QSOX1: variants seen among roughly 807,000 people sequenced by gnomAD.
QSOX1 encodes the protein quiescin sulfhydryl oxidase 1, also known as sulfhydryl oxidase 1.
In QSOX1, 40 loss-of-function variants were observed where a neutral mutation model predicts 76.1. That is an observed-to-expected ratio of 0.53 (90% CI 0.41 to 0.68). The LOEUF is 0.68. Among genes scored for constraint, QSOX1 ranks in the 30% least tolerant of loss-of-function variants. The pLI, the probability that QSOX1 is intolerant of heterozygous loss-of-function variation, is 0.00. For missense variants in QSOX1, 931 were observed against 974.3 expected (o/e 0.96, Z 0.59); for synonymous variants, 392 against 413.1 (o/e 0.95, Z 0.62).
chr1:180,187,742 C>CAG (rs1393444157), intron 8 of QSOX1, among the ~76,000 whole-genome samples: 1 of 152,164 alleles, frequency 6.6e-6, no homozygotes, highest in Non-Finnish European at 1.5e-5. Flanking sequence ...CCTGCCCTGC[C>CAG]AGAGCCAGGG....
At chr1:180,195,676 C>A (rs1378507462) in intron 11 of QSOX1, among the ~76,000 whole-genome samples, 1 of 152,138 alleles carries the variant, frequency 6.6e-6, no homozygotes, top group African/African-American at 2.4e-5. Flanking sequence ...GGTCTCCCCC[C>A]AACTATCCCT....
At chr1:180,168,827 G>GA (rs1336610825) in intron 2 of QSOX1, among the ~76,000 whole-genome samples, 2 of 152,238 alleles carry the variant, frequency 1.3e-5, no homozygotes, top group African/African-American at 2.4e-5. Flanking sequence ...GGCTGACCTG[G>GA]AGACTGCTGG....
At chr1:180,162,075 A>G (rs1451016667) in intron 1 of QSOX1, among the ~76,000 whole-genome samples, 1 of 152,222 alleles carries the variant, frequency 6.6e-6, no homozygotes, top group East Asian at 1.9e-4. Context: ...TAATGACACA[A>G]TTGACAAGGA....
At position 180,160,343 on chromosome 1, in the gene QSOX1, G is replaced by C. The variant is rs1286212886; in HGVS notation, c.265+5171G>C. 4.0e-5 allele frequency among the ~76,000 whole-genome samples: 6 copies of C among 151,250 alleles called. No individual in the cohort carries two copies. In the Admixed American group the frequency reaches 4.0e-4, roughly 10 times the overall value. ...CAGCAATTGCACAGATTCCCTGTTC[G>C]CTAGTAGGTAGCAGTTCTATTATCT... On this transcript the variant is annotated intron_variant, in intron 1 of 11. Transcript: ENST00000367602.
chr1:180,177,187 C>G lies in QSOX1; in HGVS notation c.515+1154C>G, dbSNP rs142857759. On this transcript the variant is annotated intron_variant, in intron 4 of 11. Coordinates refer to ENST00000367602, the MANE Select transcript of QSOX1 (RefSeq NM_002826.5). Reference sequence around the variant, plus strand: ...CACGTACATCCTCATGGCACATTTTCAGCCCTGGGGTATCTCAAAAGCAAC... The same window carrying G: ...CACGTACATCCTCATGGCACATTTTGAGCCCTGGGGTATCTCAAAAGCAAC... 7.9e-4 allele frequency among the ~76,000 whole-genome samples: 120 copies of G among 152,024 alleles called. No homozygotes were observed. The East Asian group carries it at 0.022, about 28-fold the overall frequency.
intron 2 of QSOX1, among the ~76,000 whole-genome samples, chr1:180,167,465 G>A (rs1009700649): frequency 2.6e-5 from 4 of 152,180 alleles, no homozygotes; most frequent in Admixed American, 1.3e-4. Flanking sequence ...CTGAGCTGGG[G>A]GTAGGGGCAG....
At chr1:180,157,126 C>G (rs139273456) in intron 1 of QSOX1, among the ~76,000 whole-genome samples, 1 of 152,102 alleles carries the variant, frequency 6.6e-6, no homozygotes, top group Non-Finnish European at 1.5e-5. Flanking sequence ...AATAAGAAAG[C>G]GAAATCAGAA....
intron 4 of QSOX1, among the ~76,000 whole-genome samples, chr1:180,177,881 T>C (rs1662938155): frequency 1.5e-5 from 1 of 68,548 alleles, no homozygotes; most frequent in East Asian, 2.8e-4. Context: ...TTGTTTTGGA[T>C]ATGTTTTGTT....
chr1:180,181,240 T>C lies in QSOX1; in HGVS notation c.607-934T>C, dbSNP rs149824258. ...GTCTAGATAGGAAGCTTTATAAATA[T>C]AAGAAAAAAGGCTAGGGGGCGCCAC... On this transcript the variant is annotated intron_variant, in intron 5 of 11. Coordinates refer to ENST00000367602, the MANE Select transcript of QSOX1 (RefSeq NM_002826.5). 6.9e-3 allele frequency among the ~76,000 whole-genome samples: 1,057 copies of C among 152,208 alleles called. 9 individuals are homozygous for C. The highest frequency in any genetic ancestry group is 0.024 in the African/African-American group (1,007 of 41,526).
rs796960614 is a variant in QSOX1 at position 180,176,091 on chromosome 1, TGA to T, written c.515+62_515+63del. On this transcript the variant is annotated intron_variant, in intron 4 of 11. Transcript: ENST00000367602. Reference sequence around the variant, plus strand: ...TGGGCCAGGATCCCAGGCCTGGGAGTGAGAGGGTGGTGGGAACAGCAGGGCGG... The same window carrying T: ...TGGGCCAGGATCCCAGGCCTGGGAGTGAGGGTGGTGGGAACAGCAGGGCGG... 3.1e-5 allele frequency: 44 copies of T among 1,399,570 alleles called. No individual in the cohort carries two copies. The African/African-American group carries it at 5.8e-4, about 19-fold the overall frequency. 86.7% of individuals were successfully genotyped at this position (1,399,570 alleles called of 1,614,324 possible).
At chr1:180,166,963 C>A (rs1019739147) in intron 2 of QSOX1, among the ~76,000 whole-genome samples, 1 of 152,210 alleles carries the variant, frequency 6.6e-6, no homozygotes, top group African/African-American at 2.4e-5. Context: ...TAAGAAGGGA[C>A]CTGTCAGGGT....
rs772146502 is a variant in QSOX1, at chr1:180,189,551, G to C, written c.1018-1G>C. ...CAGCTTCCGCTTGTTCCTCCCCACA[G>C]TATTTCCCTGGCCGGCCCTTAGTCC... On this transcript the variant is annotated splice_acceptor_variant, in intron 8 of 11. Transcript: ENST00000367602. LOFTEE classifies it high-confidence loss of function. 13 of 1,597,578 alleles carry C rather than the reference G, an allele frequency of 8.1e-6. No individual in the cohort carries two copies. The highest frequency in any genetic ancestry group is 1.1e-5 in the Non-Finnish European group (13 of 1,169,740).
chr1:180,185,978 G>A lies in QSOX1; in HGVS notation c.888-75G>A, dbSNP rs1663159734. ...GTGCCCCTTCTCTTCTCTCCCTTTA[G>A]CCCTGGATGCTCCTTGCAGCCCCTG... is the stretch of plus-strand genomic sequence containing the variant. On this transcript the variant is annotated intron_variant, in intron 7 of 11. Transcript: ENST00000367602. 5 of 1,543,200 alleles carry A rather than the reference G, an allele frequency of 3.2e-6. No individual in the cohort carries two copies. The South Asian group carries it at 5.6e-5, about 17-fold the overall frequency.
At chr1:180,155,315 AC>A (rs989517807) in intron 1 of QSOX1, 143 bp downstream of exon 1, 56 of 759,108 alleles carry the variant, frequency 7.4e-5, no homozygotes, top group Non-Finnish European at 1.1e-4. Flanking sequence ...TCCCACGCCC[AC>A]CACCTTCATG....
intron 8 of QSOX1, among the ~76,000 whole-genome samples, chr1:180,188,151 G>A (rs532891491): frequency 3.3e-5 from 5 of 152,244 alleles, no homozygotes; most frequent in East Asian, 1.9e-4. Context: ...ACACCCACTC[G>A]CATCCAGCCC....
Position 180,178,833 on chromosome 1 carries a change from A to G in QSOX1, c.555A>G (p.Glu185=), listed in dbSNP as rs1466855621. 6.2e-7 allele frequency: 1 copy of G among 1,614,044 alleles called. No homozygotes were observed. The highest frequency in any genetic ancestry group is 8.5e-7 in the Non-Finnish European group (1 of 1,179,886). ...ATGGATTCTTTGCGAGAAATAACGAAGAGTACCTGGCTCTGATCTTTGAAA... is the reference window on the plus strand; with the variant it reads ...ATGGATTCTTTGCGAGAAATAACGAGGAGTACCTGGCTCTGATCTTTGAAA... ...EIDGFFARNN[E]EYLALIFEKG... is the part of the protein sequence containing the mutation. Residue 185 remains glutamate, a synonymous_variant, in exon 5 of 12, where the codon GAA becomes GAG. Coordinates refer to ENST00000367602, the MANE Select transcript of QSOX1 (RefSeq NM_002826.5).
intron 4 of QSOX1, 21 bp from the exon 5 acceptor site, chr1:180,178,773 T>C: frequency 6.2e-7 from 1 of 1,606,516 alleles, no homozygotes. Flanking sequence ...GCAGAGTGAC[T>C]GCCAGAATTG....
chr1:180,159,390 A>G (rs1017019885), intron 1 of QSOX1, among the ~76,000 whole-genome samples: 1 of 152,244 alleles, frequency 6.6e-6, no homozygotes, highest in African/African-American at 2.4e-5. Flanking sequence ...CTTTGCTTTA[A>G]CAATGGAGCA....
In QSOX1 at chr1:180,194,662, C is replaced by T. The variant is rs929735510; in HGVS notation, c.1468+270C>T. ...CTCTAGCCTACTGGGGTCCCTCTCCCGCCTCCCCTGCTCCGTCTTCTGGCT... is the reference window on the plus strand; with the variant it reads ...CTCTAGCCTACTGGGGTCCCTCTCCTGCCTCCCCTGCTCCGTCTTCTGGCT... On this transcript the variant is annotated intron_variant, in intron 11 of 11. Coordinates refer to ENST00000367602, the MANE Select transcript of QSOX1 (RefSeq NM_002826.5). Among the ~76,000 whole-genome samples the T allele has an allele frequency of 9.2e-5, 14 of 152,342 alleles. No homozygotes were observed. The South Asian group carries it at 1.2e-3, about 14-fold the overall frequency.
Sources: gnomAD v4.1 joint callset for allele counts (sites outside exome capture counted in the v4.1 genomes callset) on GRCh38, gnomAD v4.1.1 for gene constraint, MANE v1.5 for transcripts, NCBI Gene and HGNC (gene_info 2026-07-23, HGNC 2026-07-21) for gene names.